The following SORCS1 variants were observed in gnomAD, a reference collection of about 807,000 sequenced individuals.
SORCS1 encodes the protein VPS10 domain-containing receptor SorCS1.
SORCS1 carries 60 observed loss-of-function variants against 146.1 expected under a neutral mutation model. That is an observed-to-expected ratio of 0.41 (90% CI 0.33 to 0.51). The LOEUF is 0.51. Among genes scored for constraint, SORCS1 ranks in the 20% least tolerant of loss-of-function variants. The pLI is 0.21. For synonymous variants in SORCS1, 637 were observed against 584.0 expected (o/e 1.09, Z -1.31); for missense variants, 1,352 against 1,487.6 (o/e 0.91, Z 1.50).
In SORCS1 at chr10:106,868,213, G is replaced by T. The variant is rs115163261; in HGVS notation, c.627-38540C>A. On this transcript the variant is annotated intron_variant, in intron 2 of 25. Transcript: ENST00000263054. The stretch of plus-strand genomic sequence containing the variant: ...CAGATTTATAAAGCAAGTTCTTAGA[G>T]ATCTACAAAGAAACACAGACTCCCA... 8.0e-3 allele frequency among the ~76,000 whole-genome samples: 1,222 copies of T among 152,190 alleles called. 20 individuals are homozygous for T. Among genetic ancestry groups the T allele is most frequent in the African/African-American group, 0.028 (1,169 of 41,504 alleles).
chr10:106,946,285 C>T (rs909542669), intron 2 of SORCS1, among the ~76,000 whole-genome samples: 10 of 152,152 alleles, frequency 6.6e-5, no homozygotes, highest in Non-Finnish European at 1.3e-4. Flanking sequence ...GAAAATAAGA[C>T]ATGGTCATAG....
intron 5 of SORCS1, among the ~76,000 whole-genome samples, chr10:106,733,654 G>T (rs1856764669): frequency 6.6e-6 from 1 of 152,122 alleles, no homozygotes; most frequent in South Asian, 2.1e-4. Flanking sequence ...AAACATCACT[G>T]TCATCATCAT....
Position 106,597,352 on chromosome 10 carries a change from C to T in SORCS1, c.3264G>A (p.Ala1088=), listed in dbSNP as rs752248850. Residue 1088 remains alanine (A), a splice_region_variant and synonymous_variant, in exon 24 of 26, where the codon GCG becomes GCA. Coordinates refer to ENST00000263054, the MANE Select transcript of SORCS1 (RefSeq NM_052918.5). ...GAACCCCGGGACATGGACACTGACC[C>T]GCTGTTAAGTGAGCAGCATGGACAA... ...RVLVHAAHLT[A]APLVDLTPTH... is the part of the protein sequence containing the mutation. 1.1e-5 allele frequency: 18 copies of T among 1,613,216 alleles called. No individual in the cohort carries two copies. The South Asian group carries it at 1.2e-4, about 11-fold the overall frequency.
intron 1 of SORCS1, chr10:106,969,901 C>T (rs770839704): frequency 6.6e-6 from 1 of 152,206 alleles, no homozygotes; most frequent in Non-Finnish European, 1.5e-5. Flanking sequence ...CCATTAGATG[C>T]TCATTAAGCC....
chr10:106,607,312 CAG>C lies in SORCS1; in HGVS notation c.3034-17_3034-16del, dbSNP rs780001120. 3.7e-6 allele frequency: 6 copies of C among 1,613,492 alleles called. No homozygotes were observed. The highest frequency in any genetic ancestry group is 4.2e-6 in the Non-Finnish European group (5 of 1,179,822). ...ACCCCTGTGGCCTGAGGGACAGACACAGGGGCTCACATTAGTGCTGCAGAGAA... is the reference window on the plus strand; with the variant it reads ...ACCCCTGTGGCCTGAGGGACAGACACGGGCTCACATTAGTGCTGCAGAGAA... On this transcript the variant is annotated splice_polypyrimidine_tract_variant and intron_variant, in intron 22 of 25. Coordinates refer to ENST00000263054, the MANE Select transcript of SORCS1 (RefSeq NM_052918.5).
At chr10:106,990,487 C>G (rs1956722200) in intron 1 of SORCS1, among the ~76,000 whole-genome samples, 1 of 152,056 alleles carries the variant, frequency 6.6e-6, no homozygotes, top group Non-Finnish European at 1.5e-5. Flanking sequence ...CCAGGCTGGT[C>G]TCGAACTCCT....
chr10:107,129,095 G>A (rs1423830356), intron 1 of SORCS1, among the ~76,000 whole-genome samples: 1 of 152,200 alleles, frequency 6.6e-6, no homozygotes, highest in Non-Finnish European at 1.5e-5. Flanking sequence ...AAGACACCAA[G>A]TACAAGTCTT....
At chr10:107,046,715 G>A (rs901208361) in intron 1 of SORCS1, among the ~76,000 whole-genome samples, 1 of 152,150 alleles carries the variant, frequency 6.6e-6, no homozygotes, top group East Asian at 1.9e-4. Flanking sequence ...CCAAAGAAGG[G>A]ATTATTTGGC....
intron 17 of SORCS1, 35 bp downstream of exon 17, chr10:106,667,654 G>GT: frequency 6.8e-7 from 1 of 1,463,846 alleles, no homozygotes; most frequent in Non-Finnish European, 9.6e-7. Context: ...GGCAGCAAAG[G>GT]TTGGCCTCTC....
chr10:106,804,672 T>C (rs990987294), intron 3 of SORCS1, among the ~76,000 whole-genome samples: 9 of 152,166 alleles, frequency 5.9e-5, no homozygotes, highest in Admixed American at 2.0e-4. Context: ...CAGTAGAAGA[T>C]AAGCTTCAGT....
At chr10:106,729,513 T>A (rs1291967672) in intron 6 of SORCS1, among the ~76,000 whole-genome samples, 1 of 151,834 alleles carries the variant, frequency 6.6e-6, no homozygotes, top group East Asian at 1.9e-4. Flanking sequence ...ATGGCCTGGA[T>A]GGTATCTGAC....
intron 3 of SORCS1, among the ~76,000 whole-genome samples, chr10:106,812,905 A>C (rs1239596533): frequency 6.6e-6 from 1 of 152,126 alleles, no homozygotes; most frequent in Admixed American, 6.6e-5. Context: ...GAGCCCATGA[A>C]AAAAGCTGTA....
chr10:106,976,333 G>GTTTTTGTTTGTT (rs1554901324), intron 1 of SORCS1, among the ~76,000 whole-genome samples: 1 of 113,814 alleles, frequency 8.8e-6, no homozygotes, highest in East Asian at 2.5e-4. Flanking sequence ...AGGTTTTTTT[G>GTTTTTGTTTGTT]TTTTTTTTTT....
chr10:106,990,781 T>C (rs534329108), intron 1 of SORCS1, among the ~76,000 whole-genome samples: 2 of 152,200 alleles, frequency 1.3e-5, no homozygotes, highest in African/African-American at 4.8e-5. Flanking sequence ...TCTGAAAAAT[T>C]GTGAGTACAC....
rs1955171612 is a variant in SORCS1, at chr10:106,960,482, G to A, written c.559-3902C>T. On this transcript the variant is annotated intron_variant, in intron 1 of 25. Transcript: ENST00000263054. This position sits in a 1 kb window ranked among gnomAD's most constrained non-coding sequence, Gnocchi z 4.4. ...TGCAGTGGCGTGATCTCGGCTCACT[G>A]CAACCTCCGCCTCACAGGTTCAAGC... Among the ~76,000 whole-genome samples, 2 of 151,314 alleles carry A rather than the reference G, an allele frequency of 1.3e-5. No homozygotes were observed. Among genetic ancestry groups the A allele is most frequent in the South Asian group, 2.1e-4 (1 of 4,772 alleles).
chr10:106,685,052 T>C (rs1348889823), intron 10 of SORCS1, among the ~76,000 whole-genome samples: 1 of 152,182 alleles, frequency 6.6e-6, no homozygotes, highest in African/African-American at 2.4e-5. Context: ...GTTCCATACA[T>C]CTGTGTCCCA....
At chr10:107,131,089 C>T (rs1018114905) in intron 1 of SORCS1, among the ~76,000 whole-genome samples, 14 of 152,354 alleles carry the variant, frequency 9.2e-5, no homozygotes, top group African/African-American at 2.9e-4. Flanking sequence ...GCAAACACCA[C>T]GTGTAGGTGT....
chr10:106,909,893 T>G (rs1952067049), intron 2 of SORCS1, among the ~76,000 whole-genome samples: 1 of 152,116 alleles, frequency 6.6e-6, no homozygotes, highest in South Asian at 2.1e-4. Flanking sequence ...TGGTTGCTGA[T>G]ATGGGGGGAA....
At chr10:106,905,947 G>A (rs1304810516) in intron 2 of SORCS1, among the ~76,000 whole-genome samples, 1 of 152,074 alleles carries the variant, frequency 6.6e-6, no homozygotes, top group African/African-American at 2.4e-5. Context: ...TATCTCTGAG[G>A]TCATAACTAA....
Sources: gnomAD v4.1 joint callset for allele counts (sites outside exome capture counted in the v4.1 genomes callset) on GRCh38, gnomAD v4.1.1 for gene constraint, Gnocchi (gnomAD v3.1) non-coding constraint, MANE v1.5 for transcripts, NCBI Gene and HGNC (gene_info 2026-07-23, HGNC 2026-07-21) for gene names.